Variants in PTPRD observed in about 807,000 individuals in gnomAD.
PTPRD encodes receptor-type tyrosine-protein phosphatase delta.
PTPRD carries 34 observed loss-of-function variants against 214.5 expected under a neutral mutation model. The ratio of observed to expected loss-of-function variants is 0.16; its 90% confidence interval spans 0.12 to 0.21. PTPRD has a LOEUF of 0.21. PTPRD is among the 10% of genes least tolerant of loss of function. The probability of loss-of-function intolerance (pLI) is 1.00; values close to 1 mark genes in which losing one functional copy is unlikely to be tolerated. For missense variants in PTPRD, 2,545 were observed against 2,398.7 expected (o/e 1.06, Z -1.27); for synonymous variants, 1,128 against 845.7 (o/e 1.33, Z -5.79).
intron 37 of PTPRD, among the ~76,000 whole-genome samples, chr9:8,388,324 T>A (rs566146925): frequency 2.0e-5 from 3 of 152,142 alleles, no homozygotes; most frequent in African/African-American, 7.2e-5. Flanking sequence ...CTTCTAAATA[T>A]CCTTTTTGAG....
chr9:10,400,253 T>C (rs1253294117), intron 2 of PTPRD, among the ~76,000 whole-genome samples: 1 of 151,826 alleles, frequency 6.6e-6, no homozygotes, highest in African/African-American at 2.4e-5. Flanking sequence ...AAGAATTAAT[T>C]GAGATAACAG....
intron 10 of PTPRD, among the ~76,000 whole-genome samples, chr9:9,157,513 C>A (rs909044762): frequency 3.9e-5 from 6 of 152,008 alleles, no homozygotes; most frequent in Non-Finnish European, 5.9e-5. Context: ...ATTGGACAGT[C>A]TAGAAGAAAT....
intron 19 of PTPRD, among the ~76,000 whole-genome samples, chr9:8,522,525 G>C (rs1592690225): frequency 6.6e-6 from 1 of 152,104 alleles, no homozygotes; most frequent in East Asian, 1.9e-4. Context: ...TCTTTTAAAA[G>C]GCTTTTTATG....
At chr9:9,740,582 G>A (rs2098386087) in intron 6 of PTPRD, among the ~76,000 whole-genome samples, 1 of 151,932 alleles carries the variant, frequency 6.6e-6, no homozygotes, top group South Asian at 2.1e-4. Context: ...AGGATGGTCT[G>A]GATCTCCTGC....
intron 9 of PTPRD, among the ~76,000 whole-genome samples, chr9:9,235,623 G>A (rs2099966149): frequency 6.6e-6 from 1 of 152,090 alleles, no homozygotes; most frequent in Non-Finnish European, 1.5e-5. Flanking sequence ...AGGGACACCT[G>A]AGACACCTGA....
chr9:10,336,069 C>G (rs1408498922), intron 3 of PTPRD, among the ~76,000 whole-genome samples: 5 of 151,712 alleles, frequency 3.3e-5, no homozygotes, highest in African/African-American at 1.2e-4. Flanking sequence ...GCCACCTAAT[C>G]CAGCAATTGT....
chr9:9,659,143 T>A (rs1250869432), intron 7 of PTPRD, among the ~76,000 whole-genome samples: 3 of 152,160 alleles, frequency 2.0e-5, no homozygotes, highest in Non-Finnish European at 4.4e-5. Context: ...TATATTAGTA[T>A]TCAACTTGCA....
At chr9:9,791,551 A>G (rs2098967461) in intron 5 of PTPRD, among the ~76,000 whole-genome samples, 1 of 152,140 alleles carries the variant, frequency 6.6e-6, no homozygotes, top group South Asian at 2.1e-4. Context: ...TTCTCTATCA[A>G]GCTTATTTAA....
intron 5 of PTPRD, among the ~76,000 whole-genome samples, chr9:9,887,023 G>GT (rs2071205363): frequency 1.3e-5 from 2 of 151,926 alleles, no homozygotes; most frequent in Admixed American, 6.6e-5. Context: ...CCATAAACTT[G>GT]TTTTTTTCCG....
intron 11 of PTPRD, among the ~76,000 whole-genome samples, chr9:8,753,776 A>T (rs1374110039): frequency 1.3e-5 from 2 of 152,268 alleles, no homozygotes; most frequent in African/African-American, 4.8e-5. Context: ...TATGCAGAAA[A>T]TTAGATAGCA....
chr9:8,805,768 G>A (rs942841596), intron 11 of PTPRD, among the ~76,000 whole-genome samples: 5 of 151,312 alleles, frequency 3.3e-5, no homozygotes, highest in Admixed American at 6.6e-5. Flanking sequence ...CACTGAGGCG[G>A]ACGGATCATG....
chr9:10,482,063 G>A (rs2099101140), intron 2 of PTPRD, among the ~76,000 whole-genome samples: 1 of 152,068 alleles, frequency 6.6e-6, no homozygotes, highest in South Asian at 2.1e-4. Flanking sequence ...ATAAAATGAA[G>A]AAAATAAGAT....
intron 11 of PTPRD, among the ~76,000 whole-genome samples, chr9:8,769,804 T>C (rs1337621259): frequency 1.3e-5 from 2 of 148,224 alleles, no homozygotes; most frequent in Admixed American, 1.3e-4. Context: ...AATTTACAAT[T>C]AGAAAAAAAA....
At chr9:8,633,074 T>C (rs1457863145) in intron 14 of PTPRD, among the ~76,000 whole-genome samples, 1 of 152,018 alleles carries the variant, frequency 6.6e-6, no homozygotes, top group Non-Finnish European at 1.5e-5. Flanking sequence ...AAATGGTATC[T>C]GGCATTTGAA....
intron 12 of PTPRD, among the ~76,000 whole-genome samples, chr9:8,668,329 C>T (rs950071298): frequency 6.6e-6 from 1 of 152,094 alleles, no homozygotes; most frequent in Non-Finnish European, 1.5e-5. Context: ...AAAAATAGAT[C>T]AAATTAGGTG....
chr9:9,379,445 T>A (rs7846973), intron 9 of PTPRD, among the ~76,000 whole-genome samples: 1 of 151,946 alleles, frequency 6.6e-6, no homozygotes, highest in East Asian at 1.9e-4. Context: ...TGTAGCTTTG[T>A]ATTAAGTGTT....
chr9:8,664,492 A>G (rs1300379368), intron 12 of PTPRD, among the ~76,000 whole-genome samples: 2 of 152,206 alleles, frequency 1.3e-5, no homozygotes. Flanking sequence ...ACTGCACACC[A>G]AGAAGCATGG....
chr9:10,111,229 CTTTTTTTTTTTTT>C (rs34045121), intron 3 of PTPRD, among the ~76,000 whole-genome samples: 4 of 72,192 alleles, frequency 5.5e-5, no homozygotes, highest in South Asian at 6.9e-4. Context: ...AGTTTAGTTT[CTTTTTTTTTTTTT>C]TTTTTTTTTT....
At chr9:9,832,554 G>A (rs1172745110) in intron 5 of PTPRD, among the ~76,000 whole-genome samples, 4 of 151,948 alleles carry the variant, frequency 2.6e-5, no homozygotes, top group Admixed American at 6.6e-5. Context: ...GGATATCTAA[G>A]TGACTTTGGT....
Sources: gnomAD v4.1 joint callset for allele counts (sites outside exome capture counted in the v4.1 genomes callset) on GRCh38, gnomAD v4.1.1 for gene constraint, MANE v1.5 for transcripts, NCBI Gene and HGNC (gene_info 2026-07-23, HGNC 2026-07-21) for gene names.